The following TBC1D15 variants were observed in gnomAD, a reference collection of about 807,000 sequenced individuals.
TBC1D15 encodes GAP for RAB7.
In TBC1D15, 39 loss-of-function variants were observed where a neutral mutation model predicts 95.4. That is an observed-to-expected ratio of 0.41 (90% CI 0.32 to 0.53). TBC1D15 has a LOEUF of 0.53. TBC1D15 is among the 20% of genes least tolerant of loss of function. TBC1D15 has a pLI of 0.29. For missense variants in TBC1D15, 733 were observed against 794.3 expected, an observed-to-expected ratio of 0.92 and a Z score of 0.93; for synonymous variants, 258 against 261.3, an observed-to-expected ratio of 0.99 and a Z score of 0.12.
intron 16 of TBC1D15, among the ~76,000 whole-genome samples, chr12:71,922,757 G>C (rs903690043): frequency 6.6e-6 from 1 of 152,192 alleles, no homozygotes; most frequent in African/African-American, 2.4e-5. Context: ...GAGGTGGGAT[G>C]GAGAGTGACT....
intron 12 of TBC1D15, among the ~76,000 whole-genome samples, chr12:71,916,253 G>A (rs961068989): frequency 1.3e-5 from 2 of 152,080 alleles, no homozygotes; most frequent in African/African-American, 4.8e-5. Context: ...TTCTCCAGGA[G>A]TAACCACTTT....
At chr12:71,878,199 G>A (rs7302575) in intron 3 of TBC1D15, among the ~76,000 whole-genome samples, 13,151 of 152,248 alleles carry the variant, frequency 0.086, 645 homozygotes, top group South Asian at 0.15. Flanking sequence ...TTGACTTTCA[G>A]TTAATTCTCC....
intron 10 of TBC1D15, among the ~76,000 whole-genome samples, chr12:71,901,990 G>A (rs1001676567): frequency 6.6e-6 from 1 of 152,132 alleles, no homozygotes; most frequent in Non-Finnish European, 1.5e-5. Context: ...CCCATTCACA[G>A]TAGGCACAAA....
chr12:71,906,062 AG>A (rs1900632157), intron 10 of TBC1D15, among the ~76,000 whole-genome samples: 1 of 152,008 alleles, frequency 6.6e-6, no homozygotes, highest in Non-Finnish European at 1.5e-5. Flanking sequence ...TGGTAGAGAC[AG>A]GGTTTCGCCA....
chr12:71,906,067 T>G (rs1174186658), intron 10 of TBC1D15, among the ~76,000 whole-genome samples: 3 of 152,120 alleles, frequency 2.0e-5, no homozygotes, highest in Non-Finnish European at 4.4e-5. Context: ...GAGACAGGGT[T>G]TCGCCATGTT....
rs555116919 is a variant in TBC1D15, at chr12:71,902,307, A to T, written c.1183+4366A>T. ...CAAAATGAAGAAAGTTGGAGGCGTC[A>T]TACTACCTGACTTCAAACTATACTG... On this transcript the variant is annotated intron_variant, in intron 10 of 16. Coordinates refer to ENST00000485960, the MANE Select transcript of TBC1D15 (RefSeq NM_001146213.3). 3.9e-5 allele frequency among the ~76,000 whole-genome samples: 6 copies of T among 152,346 alleles called. No individual in the cohort carries two copies. In the South Asian group the frequency reaches 1.2e-3, roughly 32 times the overall value.
chr12:71,901,973 A>G, intron 10 of TBC1D15, among the ~76,000 whole-genome samples: 1 of 152,218 alleles, frequency 6.6e-6, no homozygotes, highest in East Asian at 1.9e-4. Flanking sequence ...CAAATGAAGG[A>G]TGTGATCCCA....
chr12:71,893,493 CAAT>C (rs1027446857), intron 6 of TBC1D15, among the ~76,000 whole-genome samples, 169 bp downstream of exon 6: 11 of 151,652 alleles, frequency 7.3e-5, no homozygotes, highest in African/African-American at 2.4e-4. Context: ...TTTACAGAAA[CAAT>C]AATAAGTTTT....
intron 2 of TBC1D15, 21 bp downstream of exon 2, chr12:71,872,189 T>A: frequency 7.2e-7 from 1 of 1,394,026 alleles, no homozygotes; most frequent in Non-Finnish European, 9.8e-7. Context: ...AGTAAATGAT[T>A]TTATTTAATA....
intron 3 of TBC1D15, among the ~76,000 whole-genome samples, chr12:71,876,087 C>T (rs1049514437): frequency 6.6e-6 from 1 of 152,190 alleles, no homozygotes; most frequent in Non-Finnish European, 1.5e-5. Context: ...GACACTACAC[C>T]TAGCCCTAAA....
intron 10 of TBC1D15, 112 bp downstream of exon 10, chr12:71,898,053 C>T: frequency 1.3e-6 from 1 of 744,652 alleles, no homozygotes; most frequent in East Asian, 2.6e-5. Flanking sequence ...AAAGAGAAAT[C>T]AGAATAGGAA....
At chr12:71,877,935 A>G (rs1434231134) in intron 3 of TBC1D15, among the ~76,000 whole-genome samples, 5 of 152,192 alleles carry the variant, frequency 3.3e-5, no homozygotes, top group Non-Finnish European at 5.9e-5. Context: ...TAACAAATTT[A>G]AGAGCAGATG....
At chr12:71,904,718 G>A (rs963395445) in intron 10 of TBC1D15, among the ~76,000 whole-genome samples, 6 of 152,204 alleles carry the variant, frequency 3.9e-5, no homozygotes, top group African/African-American at 1.4e-4. Context: ...TGTATGCTTA[G>A]AATAGTGGGA....
intron 11 of TBC1D15, among the ~76,000 whole-genome samples, chr12:71,909,248 C>A (rs1165626250): frequency 6.6e-6 from 1 of 152,176 alleles, no homozygotes; most frequent in Non-Finnish European, 1.5e-5. Context: ...TTTATAAAAG[C>A]AATAGACAAC....
chr12:71,892,877 C>T (rs1458255159), intron 5 of TBC1D15, among the ~76,000 whole-genome samples: 2 of 151,516 alleles, frequency 1.3e-5, no homozygotes, highest in East Asian at 3.9e-4. Context: ...GATAATAAAG[C>T]CAGCTATCTT....
intron 1 of TBC1D15, among the ~76,000 whole-genome samples, chr12:71,853,579 G>C (rs1233378656): frequency 1.3e-5 from 2 of 152,026 alleles, no homozygotes; most frequent in Admixed American, 1.3e-4. Flanking sequence ...TTTTGTTATA[G>C]GTCATATTTT....
chr12:71,909,511 G>A (rs1901649357), intron 11 of TBC1D15, among the ~76,000 whole-genome samples: 1 of 152,118 alleles, frequency 6.6e-6, no homozygotes, highest in Non-Finnish European at 1.5e-5. Flanking sequence ...ATCATTGCAG[G>A]GTATGTAATG....
chr12:71,918,717 T>C (rs191553959), intron 14 of TBC1D15, among the ~76,000 whole-genome samples, 169 bp downstream of exon 14: 83 of 152,332 alleles, frequency 5.4e-4, no homozygotes, highest in Non-Finnish European at 8.5e-4. Context: ...TCACACTGAA[T>C]ATTTGGTCTT....
At chr12:71,870,828 A>G (rs1000705474) in intron 1 of TBC1D15, among the ~76,000 whole-genome samples, 1 of 152,188 alleles carries the variant, frequency 6.6e-6, no homozygotes, top group African/African-American at 2.4e-5. Flanking sequence ...TTCCTAGTGT[A>G]TAAGTGTTCC....
Sources: allele counts gnomAD v4.1 joint callset (sites outside exome capture counted in the v4.1 genomes callset), GRCh38; gene constraint gnomAD v4.1.1; transcripts MANE v1.5; gene names NCBI Gene and HGNC (gene_info 2026-07-23, HGNC 2026-07-21).